Variants in ANKS1B observed in about 807,000 individuals in gnomAD.
The protein encoded by ANKS1B is ankyrin repeat and sterile alpha motif domain containing 1B, also known as ankyrin repeat and sterile alpha motif domain-containing protein 1B.
In ANKS1B, 36 loss-of-function variants were observed where a neutral mutation model predicts 148.3. The observed-to-expected ratio is 0.24, with a 90% confidence interval of 0.19 to 0.32. The LOEUF (loss-of-function observed/expected upper bound fraction) is 0.32. Ranked by LOEUF, ANKS1B falls within the 10% of genes least tolerant of loss-of-function variation. The pLI, the probability that ANKS1B is intolerant of heterozygous loss-of-function variation, is 1.00. For synonymous variants in ANKS1B, 542 were observed against 560.8 expected, an observed-to-expected ratio of 0.97 and a Z score of 0.47; for missense variants, 1,157 against 1,542.6, an observed-to-expected ratio of 0.75 and a Z score of 4.19.
intron 24 of ANKS1B, among the ~76,000 whole-genome samples, chr12:98,776,842 G>A (rs937301712): frequency 5.3e-5 from 8 of 152,182 alleles, no homozygotes; most frequent in Non-Finnish European, 1.2e-4. Context: ...CAGCACATGT[G>A]CTTAACATGG....
chr12:99,148,244 A>T (rs1026359906), intron 15 of ANKS1B, among the ~76,000 whole-genome samples: 1 of 152,116 alleles, frequency 6.6e-6, no homozygotes, highest in Non-Finnish European at 1.5e-5. Context: ...AATATGCTGC[A>T]TGACTAAATT....
At chr12:99,763,693 T>A (rs937876784) in intron 8 of ANKS1B, among the ~76,000 whole-genome samples, 2 of 151,948 alleles carry the variant, frequency 1.3e-5, no homozygotes, top group African/African-American at 4.8e-5. Context: ...TAGCCCCATC[T>A]CAATAATACA....
chr12:99,594,720 G>A (rs2097739590), intron 9 of ANKS1B, among the ~76,000 whole-genome samples: 1 of 151,972 alleles, frequency 6.6e-6, no homozygotes, highest in South Asian at 2.1e-4. Flanking sequence ...CTGGGGAGAG[G>A]AAGAAATGGG....
intron 16 of ANKS1B, among the ~76,000 whole-genome samples, chr12:99,081,847 G>A (rs1282994137): frequency 6.6e-6 from 1 of 152,028 alleles, no homozygotes; most frequent in African/African-American, 2.4e-5. Flanking sequence ...ATATACATTT[G>A]AATGACATGT....
intron 12 of ANKS1B, among the ~76,000 whole-genome samples, chr12:99,314,920 G>A (rs954188862): frequency 1.4e-4 from 21 of 152,050 alleles, no homozygotes; most frequent in African/African-American, 3.6e-4. Flanking sequence ...TGACAAATAC[G>A]ATCTAATTAA....
intron 17 of ANKS1B, among the ~76,000 whole-genome samples, chr12:98,870,793 G>A (rs891617562): frequency 1.3e-5 from 2 of 152,220 alleles, no homozygotes; most frequent in East Asian, 1.9e-4. Flanking sequence ...GGCCCAGGAC[G>A]ACAAACCTTC....
intron 17 of ANKS1B, among the ~76,000 whole-genome samples, chr12:99,001,165 C>T (rs1029315183): frequency 3.3e-5 from 5 of 152,094 alleles, no homozygotes; most frequent in African/African-American, 4.8e-5. Flanking sequence ...GACAGGGTCT[C>T]GCTCTGTTGC....
chr12:99,648,154 T>C (rs529377642), intron 9 of ANKS1B: 2 of 1,585,672 alleles, frequency 1.3e-6, no homozygotes, highest in African/African-American at 1.4e-5. Flanking sequence ...TGCTGGGAAC[T>C]GTCTTGATTT....
At position 99,172,776 on chromosome 12, in the gene ANKS1B, G is replaced by A. The variant is rs138916349; in HGVS notation, c.2420-18381C>T. Among the ~76,000 whole-genome samples the A allele has an allele frequency of 8.5e-5, 13 of 152,244 alleles. No individual in the cohort carries two copies. In the East Asian group the frequency reaches 2.5e-3, roughly 29 times the overall value. On this transcript the variant is annotated intron_variant, in intron 14 of 26. Transcript: ENST00000683438. Reference sequence around the variant, plus strand: ...TAATAACAATTTTTTTAAAAAAGATGATAGCTGAGAGGATTAAAGATGTTG... The same window carrying A: ...TAATAACAATTTTTTTAAAAAAGATAATAGCTGAGAGGATTAAAGATGTTG...
intron 12 of ANKS1B, among the ~76,000 whole-genome samples, chr12:99,389,583 AT>A (rs2093989284): frequency 6.6e-6 from 1 of 152,130 alleles, no homozygotes; most frequent in Non-Finnish European, 1.5e-5. Flanking sequence ...ACGCAGGGAG[AT>A]TTTTCAAGAG....
At chr12:99,256,944 TA>T (rs889972348) in intron 12 of ANKS1B, among the ~76,000 whole-genome samples, 1 of 152,134 alleles carries the variant, frequency 6.6e-6, no homozygotes, top group Admixed American at 6.6e-5. Context: ...CTACATTTTT[TA>T]AAAAAATTAT....
chr12:98,808,340 G>A (rs185841769), intron 19 of ANKS1B, among the ~76,000 whole-genome samples: 6 of 152,226 alleles, frequency 3.9e-5, no homozygotes, highest in African/African-American at 1.4e-4. Context: ...CAATGACCAA[G>A]AGCAAACAGT....
intron 12 of ANKS1B, among the ~76,000 whole-genome samples, chr12:99,361,459 C>T (rs1478656454): frequency 6.6e-6 from 1 of 151,896 alleles, no homozygotes. Context: ...TGGTATTGTA[C>T]TGTATCACCT....
chr12:99,132,776 G>C (rs2066545074), intron 15 of ANKS1B, among the ~76,000 whole-genome samples: 1 of 152,078 alleles, frequency 6.6e-6, no homozygotes, highest in Non-Finnish European at 1.5e-5. Context: ...TTAATATAGT[G>C]TTATCAATAT....
intron 17 of ANKS1B, among the ~76,000 whole-genome samples, chr12:98,863,542 T>C (rs2099610065): frequency 6.6e-6 from 1 of 152,248 alleles, no homozygotes; most frequent in South Asian, 2.1e-4. Flanking sequence ...GAAAATTATA[T>C]GTTTATCTCC....
chr12:98,793,111 T>C (rs748813572), intron 22 of ANKS1B, among the ~76,000 whole-genome samples: 3 of 152,216 alleles, frequency 2.0e-5, no homozygotes, highest in Non-Finnish European at 2.9e-5. Flanking sequence ...TTTCTCCACA[T>C]TCTCACCAAC....
chr12:98,805,307 C>CTTTTT (rs35982671), intron 20 of ANKS1B, among the ~76,000 whole-genome samples: 7 of 149,794 alleles, frequency 4.7e-5, no homozygotes, highest in Admixed American at 6.6e-5. Context: ...TGCTTAAGGC[C>CTTTTT]TTTTTTTTTA....
intron 8 of ANKS1B, among the ~76,000 whole-genome samples, chr12:99,760,448 A>T (rs1312886815): frequency 6.6e-6 from 1 of 151,924 alleles, no homozygotes; most frequent in Non-Finnish European, 1.5e-5. Flanking sequence ...CTACTGAATG[A>T]GTTTTGGGTA....
chr12:99,807,032 C>T (rs2067707162), intron 3 of ANKS1B, among the ~76,000 whole-genome samples: 1 of 152,148 alleles, frequency 6.6e-6, no homozygotes, highest in Non-Finnish European at 1.5e-5. Flanking sequence ...TGCATCACAT[C>T]TTTAGACATT....
Sources: allele counts gnomAD v4.1 joint callset (sites outside exome capture counted in the v4.1 genomes callset), GRCh38; gene constraint gnomAD v4.1.1; transcripts MANE v1.5; gene names NCBI Gene and HGNC (gene_info 2026-07-23, HGNC 2026-07-21).